Variants in VEGFC observed in about 807,000 individuals in gnomAD.
The protein encoded by VEGFC is vascular endothelial growth factor C.
A neutral mutation model predicts 46.1 loss-of-function variants in VEGFC; 12 were observed. The observed-to-expected ratio is 0.26, with a 90% CI of 0.17 to 0.42. The LOEUF (loss-of-function observed/expected upper bound fraction) is 0.42. Ranked by LOEUF, VEGFC falls within the 10% of genes least tolerant of loss-of-function variation. The probability of loss-of-function intolerance (pLI) is 1.00; values close to 1 mark genes in which losing one functional copy is unlikely to be tolerated. For synonymous variants in VEGFC, 232 were observed against 195.5 expected (o/e 1.19, Z -1.56); for missense variants, 488 against 529.4 (o/e 0.92, Z 0.77).
At chr4:176,688,600 T>TC (rs1202542154) in intron 4 of VEGFC, among the ~76,000 whole-genome samples, 16 of 136,202 alleles carry the variant, frequency 1.2e-4, no homozygotes, top group East Asian at 2.5e-4. Context: ...CCTCCCTCCC[T>TC]CCTTTCTTCC....
intron 1 of VEGFC, among the ~76,000 whole-genome samples, chr4:176,741,067 C>A (rs1329509286): frequency 4.0e-5 from 6 of 151,686 alleles, no homozygotes; most frequent in Admixed American, 1.3e-4. Flanking sequence ...GTTCATTGTC[C>A]AATATCTCTT....
At position 176,683,953 on chromosome 4, in the gene VEGFC, T is replaced by C; in HGVS notation, c.1233A>G (p.Ser411=). The part of the protein sequence containing the change: ...YSEEVCRCVP[S]YWKRPQMS ...AGCTCATTTGTGGTCTTTTCCAATATGAAGGGACACAACGACACACTTCTT... is the reference window on the plus strand; with the variant it reads ...AGCTCATTTGTGGTCTTTTCCAATACGAAGGGACACAACGACACACTTCTT... Residue 411 remains serine (S), a synonymous_variant, in exon 7 of 7, where the codon TCA becomes TCG. Coordinates refer to ENST00000618562, the MANE Select transcript of VEGFC (RefSeq NM_005429.5). 1.2e-6 allele frequency: 2 copies of C among 1,614,178 alleles called. No homozygotes were observed. The highest frequency in any genetic ancestry group is 1.7e-6 in the Non-Finnish European group (2 of 1,180,004).
chr4:176,711,418 T>C, intron 4 of VEGFC, 81 bp downstream of exon 4: 5 of 1,451,800 alleles, frequency 3.4e-6, no homozygotes, highest in Non-Finnish European at 4.6e-6. Flanking sequence ...TCACAGAGGT[T>C]ATTTGTTTAA....
In VEGFC at chr4:176,762,045, C is replaced by T. The variant is rs76301935; in HGVS notation, c.147+30120G>A. On this transcript the variant is annotated intron_variant, in intron 1 of 6. Transcript: ENST00000618562. ...AGGTGGAAATCTGTTTCACCCCATA[C>T]CTATGACTGAAGAGGCTCTGCCTGC... Among the ~76,000 whole-genome samples the T allele has an allele frequency of 6.5e-3, 987 of 152,310 alleles. 6 individuals carry two copies. Among genetic ancestry groups the T allele is most frequent in the African/African-American group, 0.023 (942 of 41,562 alleles).
At chr4:176,758,411 T>C (rs1735469953) in intron 1 of VEGFC, among the ~76,000 whole-genome samples, 1 of 152,148 alleles carries the variant, frequency 6.6e-6, no homozygotes, top group Non-Finnish European at 1.5e-5. Context: ...AGTAAATTCA[T>C]ATTTAGATGA....
At chr4:176,749,615 G>A (rs996386861) in intron 1 of VEGFC, among the ~76,000 whole-genome samples, 7 of 151,612 alleles carry the variant, frequency 4.6e-5, no homozygotes, top group Non-Finnish European at 1.0e-4. Flanking sequence ...TACCTTGAAT[G>A]TGAGGTACAT....
At chr4:176,723,646 T>C (rs763615222) in intron 3 of VEGFC, among the ~76,000 whole-genome samples, 5 of 150,144 alleles carry the variant, frequency 3.3e-5, no homozygotes, top group Non-Finnish European at 4.4e-5. Flanking sequence ...ATTTGTGACA[T>C]AGGTAAACTT....
chr4:176,693,183 T>C (rs1372028358), intron 4 of VEGFC, among the ~76,000 whole-genome samples: 8 of 151,460 alleles, frequency 5.3e-5, no homozygotes, highest in African/African-American at 1.7e-4. Context: ...TACTCTGAGC[T>C]ACAGGAGGAC....
intron 1 of VEGFC, among the ~76,000 whole-genome samples, chr4:176,769,984 C>T (rs1735695741): frequency 6.6e-6 from 1 of 152,098 alleles, no homozygotes; most frequent in South Asian, 2.1e-4. Context: ...TTCCTAGTAA[C>T]CCATGCCAAA....
At chr4:176,753,028 A>G (rs977044466) in intron 1 of VEGFC, among the ~76,000 whole-genome samples, 1 of 152,106 alleles carries the variant, frequency 6.6e-6, no homozygotes, top group Admixed American at 6.6e-5. Context: ...GTTGTCATTG[A>G]CAGCAATTAA....
chr4:176,705,971 A>G lies in VEGFC; in HGVS notation c.704+5528T>C, dbSNP rs370211024. The G allele has an allele frequency of 5.9e-5, 9 of 152,312 alleles. No individual in the cohort carries two copies. In the East Asian group the frequency reaches 1.2e-3, roughly 20 times the overall value. The allele number at this position is 152,312 out of a possible 1,614,324, so 9.4% of individuals were successfully genotyped here. The stretch of plus-strand genomic sequence containing the variant: ...AACTCAAAGAGAAATCAGAGACTAA[A>G]TTCTCAAAACTGGAAGCTCCCTACA... On this transcript the variant is annotated intron_variant, in intron 4 of 6. Coordinates refer to ENST00000618562, the MANE Select transcript of VEGFC (RefSeq NM_005429.5).
chr4:176,754,134 G>T (rs565794216), intron 1 of VEGFC, among the ~76,000 whole-genome samples: 1 of 151,782 alleles, frequency 6.6e-6, no homozygotes, highest in Non-Finnish European at 1.5e-5. Flanking sequence ...CTCGAATTTC[G>T]AATTCTTTCA....
chr4:176,774,277 TA>T (rs1360864477), intron 1 of VEGFC, among the ~76,000 whole-genome samples: 1 of 149,584 alleles, frequency 6.7e-6, no homozygotes, highest in Non-Finnish European at 1.5e-5. Context: ...GCATAATAAA[TA>T]AAAATTTTGA....
At chr4:176,737,316 T>C (rs540450588) in intron 1 of VEGFC, among the ~76,000 whole-genome samples, 88 of 146,918 alleles carry the variant, frequency 6.0e-4, no homozygotes, top group South Asian at 4.4e-3. Context: ...TATATAAATA[T>C]AGAATATATT....
At chr4:176,781,586 G>A (rs1425516824) in intron 1 of VEGFC, among the ~76,000 whole-genome samples, 2 of 152,144 alleles carry the variant, frequency 1.3e-5, no homozygotes, top group African/African-American at 4.8e-5. Flanking sequence ...CAGGTTATAG[G>A]AATTCAATCA....
rs574502458 is a variant in VEGFC at position 176,696,264 on chromosome 4, C to T, written c.705-8337G>A. 1.8e-4 allele frequency among the ~76,000 whole-genome samples: 27 copies of T among 151,960 alleles called. No homozygotes were observed. In the East Asian group the frequency reaches 4.7e-3, roughly 26 times the overall value. On this transcript the variant is annotated intron_variant, in intron 4 of 6. Coordinates refer to ENST00000618562, the MANE Select transcript of VEGFC (RefSeq NM_005429.5). ...TGTCTCAGCCAAAAATCTCCTTAAG[C>T]TGATAAGCAACTTCAGCAAAGTCTC... is the stretch of plus-strand genomic sequence containing the variant.
At chr4:176,743,591 T>C (rs1261591435) in intron 1 of VEGFC, among the ~76,000 whole-genome samples, 2 of 149,874 alleles carry the variant, frequency 1.3e-5, no homozygotes, top group Non-Finnish European at 3.0e-5. Flanking sequence ...TATATAAATA[T>C]ATAAATTATG....
At chr4:176,739,587 T>C (rs116557378) in intron 1 of VEGFC, among the ~76,000 whole-genome samples, 1,907 of 151,902 alleles carry the variant, frequency 0.013, 24 homozygotes, top group African/African-American at 0.033. Context: ...CACTGGGGCC[T>C]GTTGTGGGGG....
At chr4:176,727,720 A>G in intron 3 of VEGFC, 58 bp downstream of exon 3, 5 of 1,520,354 alleles carry the variant, frequency 3.3e-6, no homozygotes, top group Non-Finnish European at 4.4e-6. Flanking sequence ...ATCATCCCCA[A>G]AGTTAAAGCT....
Sources: allele counts gnomAD v4.1 joint callset (sites outside exome capture counted in the v4.1 genomes callset), GRCh38; gene constraint gnomAD v4.1.1; transcripts MANE v1.5; gene names NCBI Gene and HGNC (gene_info 2026-07-23, HGNC 2026-07-21).